The following PCDHA3 variants were observed in gnomAD, a reference collection of about 807,000 sequenced individuals.
PCDHA3 encodes protocadherin alpha-3.
In PCDHA3, 41 loss-of-function variants were observed where a neutral mutation model predicts 62.2. The observed-to-expected ratio is 0.66, with a 90% CI of 0.51 to 0.86. The LOEUF (loss-of-function observed/expected upper bound fraction) is 0.86. Among genes scored for constraint, PCDHA3 ranks in the 40% least tolerant of loss-of-function variants. The probability of loss-of-function intolerance (pLI) is 0.00; values close to 1 mark genes in which losing one functional copy is unlikely to be tolerated. For synonymous variants in PCDHA3, 640 were observed against 555.4 expected (o/e 1.15, Z -2.14); for missense variants, 1,304 against 1,241.2 (o/e 1.05, Z -0.76).
intron 1 of PCDHA3, chr5:140,836,630 A>T (rs2150266222): frequency 6.2e-7 from 1 of 1,613,502 alleles, no homozygotes. Context: ...GGAGCTGGTC[A>T]TTCTCCCAGC....
At chr5:140,835,448 GTC>G in intron 1 of PCDHA3, 1 of 1,613,886 alleles carries the variant, frequency 6.2e-7, no homozygotes, top group East Asian at 2.2e-5. Flanking sequence ...TCACTTCCCT[GTC>G]TCTCCCTATT....
In PCDHA3 at chr5:141,012,192, T is replaced by TA. The variant is rs1424309622; in HGVS notation, c.*2256dup. 1 of 153,796 alleles carries TA rather than the reference T, an allele frequency of 6.5e-6. No homozygotes were observed. The highest frequency in any genetic ancestry group is 6.5e-5 in the Admixed American group (1 of 15,282). The allele number at this position is 153,796 out of a possible 1,614,324, so 9.5% of individuals were successfully genotyped here. ...AATGATGATAATTATAATGTATCTGTACAGCACTTTTTACATTTGCGAAGT... is the reference window on the plus strand; with the variant it reads ...AATGATGATAATTATAATGTATCTGTAACAGCACTTTTTACATTTGCGAAGT... On this transcript the variant is annotated 3_prime_UTR_variant, in exon 4 of 4. Transcript: ENST00000522353.
intron 3 of PCDHA3, among the ~76,000 whole-genome samples, chr5:141,003,969 G>A (rs781827494): frequency 2.0e-5 from 3 of 152,158 alleles, no homozygotes; most frequent in Non-Finnish European, 4.4e-5. Flanking sequence ...GAGCATAAGG[G>A]AGGGGACTTG....
chr5:140,989,842 G>A (rs1411244835), intron 3 of PCDHA3, among the ~76,000 whole-genome samples: 1 of 152,178 alleles, frequency 6.6e-6, no homozygotes, highest in Non-Finnish European at 1.5e-5. Context: ...GTCAATGAGT[G>A]TGTGGACTGG....
chr5:140,808,489 G>C (rs782060107), intron 1 of PCDHA3: 11 of 1,614,040 alleles, frequency 6.8e-6, no homozygotes, highest in Non-Finnish European at 9.3e-6. Flanking sequence ...GCTCGCCTTC[G>C]CTGTGGGCCA....
rs199714982 is a variant in PCDHA3, at chr5:140,967,252, G to T, written c.2395-11697G>T. On this transcript the variant is annotated intron_variant, in intron 1 of 3. Coordinates refer to ENST00000522353, the MANE Select transcript of PCDHA3 (RefSeq NM_018906.3). ...AGCTTCAGGTAAGCGAATCGGTGGC[G>T]CCTGGAGCGCGCTTTCACATAGAGA... 6.0e-5 allele frequency: 97 copies of T among 1,613,386 alleles called. 1 individual carries two copies. Among genetic ancestry groups the T allele is most frequent in the Non-Finnish European group, 8.0e-5 (94 of 1,179,870 alleles).
rs368920437 is a variant in PCDHA3, at chr5:140,857,660, G to T, written c.2394+54069G>T. On this transcript the variant is annotated intron_variant, in intron 1 of 3. Coordinates refer to ENST00000522353, the MANE Select transcript of PCDHA3 (RefSeq NM_018906.3). ...GCTACAGTTCCAGGTGAGCGCGCGC[G>T]ATGGGGGCGTGCCGCCTCTGGGCAG... is the stretch of plus-strand genomic sequence containing the variant. 1.2e-5 allele frequency: 19 copies of T among 1,596,850 alleles called. 2 individuals are homozygous for T. In the East Asian group the frequency reaches 1.3e-4, roughly 11 times the overall value.
At chr5:141,004,705 C>T (rs535016776) in intron 3 of PCDHA3, among the ~76,000 whole-genome samples, 5 of 152,154 alleles carry the variant, frequency 3.3e-5, no homozygotes, top group Admixed American at 6.5e-5. Context: ...TTTTAGGTGC[C>T]GAATCAGAGG....
At chr5:140,868,866 T>C (rs1319732568) in intron 1 of PCDHA3, 2 of 581,336 alleles carry the variant, frequency 3.4e-6, no homozygotes, top group Non-Finnish European at 5.7e-6. Context: ...GTAAATGCAG[T>C]GCACAGTACT....
chr5:140,861,870 GC>G (rs1319389506), intron 1 of PCDHA3: 1 of 156,092 alleles, frequency 6.4e-6, no homozygotes, highest in East Asian at 1.9e-4. Context: ...ACTGATGGGG[GC>G]GAAGCTGAGC....
At chr5:140,869,412 C>T (rs1164802929) in intron 1 of PCDHA3, 3 of 1,614,078 alleles carry the variant, frequency 1.9e-6, no homozygotes, top group Admixed American at 1.7e-5. Flanking sequence ...CGGAGTGCAG[C>T]ATCCACCTGG....
At chr5:140,810,766 C>CT (rs1238310799) in intron 1 of PCDHA3, 4 of 151,908 alleles carry the variant, frequency 2.6e-5, no homozygotes, top group East Asian at 1.9e-4. Context: ...AACATAACTC[C>CT]TTTTTTTAGT....
chr5:140,967,841 A>G, intron 1 of PCDHA3: 1 of 1,614,114 alleles, frequency 6.2e-7, no homozygotes, highest in Non-Finnish European at 8.5e-7. Flanking sequence ...CGTGGACGTG[A>G]ATGACAATGC....
chr5:140,863,148 G>A (rs782014665), intron 1 of PCDHA3: 1 of 616,420 alleles, frequency 1.6e-6, no homozygotes, highest in Non-Finnish European at 3.1e-6. Context: ...TGCTGGTGAA[G>A]GACCACTGCG....
chr5:140,954,441 G>A (rs1411694581), intron 1 of PCDHA3, among the ~76,000 whole-genome samples: 2 of 151,498 alleles, frequency 1.3e-5, no homozygotes, highest in Non-Finnish European at 3.0e-5. Flanking sequence ...TGTTGTTTCT[G>A]GACTTGTTAA....
chr5:140,827,933 T>C, intron 1 of PCDHA3: 2 of 1,081,166 alleles, frequency 1.8e-6, no homozygotes, highest in Non-Finnish European at 2.7e-6. Flanking sequence ...CATGAAGTTA[T>C]AGCTAGCCAA....
Position 140,824,163 on chromosome 5 carries a change from C to T in PCDHA3, c.2394+20572C>T. 3.1e-6 allele frequency: 5 copies of T among 1,610,816 alleles called. 1 individual carries two copies. The Middle Eastern group carries it at 5.0e-4, about 160-fold the overall frequency. ...TAATATTAACATCCATCTTTCCCTC[C>T]CAATTTTCAAATATTAAATGTCACA... On this transcript the variant is annotated intron_variant, in intron 1 of 3. Transcript: ENST00000522353.
At chr5:140,993,795 C>T (rs1301191394) in intron 3 of PCDHA3, among the ~76,000 whole-genome samples, 2 of 152,128 alleles carry the variant, frequency 1.3e-5, no homozygotes, top group African/African-American at 2.4e-5. Flanking sequence ...ACATGCTGTG[C>T]AGGTTTGTAG....
At chr5:140,809,226 C>T (rs1425817282) in intron 1 of PCDHA3, 1 of 1,613,974 alleles carries the variant, frequency 6.2e-7, no homozygotes, top group African/African-American at 1.3e-5. Flanking sequence ...AAGGCCTCCT[C>T]ACGGGCGTTG....
Sources: gnomAD v4.1 joint callset for allele counts (sites outside exome capture counted in the v4.1 genomes callset) on GRCh38, gnomAD v4.1.1 for gene constraint, MANE v1.5 for transcripts, NCBI Gene and HGNC (gene_info 2026-07-23, HGNC 2026-07-21) for gene names.